SNX5: variants seen among roughly 807,000 people sequenced by gnomAD.
The protein encoded by SNX5 is sorting nexin-5.
In SNX5, 31 loss-of-function variants were observed where a neutral mutation model predicts 53.9. The ratio of observed to expected loss-of-function variants is 0.58; its 90% CI spans 0.43 to 0.78. The LOEUF (loss-of-function observed/expected upper bound fraction) is 0.78. Ranked by LOEUF, SNX5 falls within the 30% of genes least tolerant of loss-of-function variation. The pLI is 0.00. For synonymous variants in SNX5, 168 were observed against 171.1 expected (o/e 0.98, Z 0.14); for missense variants, 471 against 478.8 (o/e 0.98, Z 0.15).
chr20:17,947,576 G>T lies in SNX5; in HGVS notation c.988C>A (p.Arg330=). 6.2e-7 allele frequency: 1 copy of T among 1,613,916 alleles called. No homozygotes were observed. Among genetic ancestry groups the T allele is most frequent in the East Asian group, 2.2e-5 (1 of 44,878 alleles). ...AACTTGACGTCTTTGCTCTTTAACC[G>T]GGCCTTATCCAGAGCTTTGTTTGAG... ...ENSNKALDKA[R]LKSKDVKLAE... is the part of the protein sequence containing the mutation. The change falls in exon 11 of 13, where the codon CGG becomes AGG. Residue 330 remains arginine (R), a synonymous_variant. Coordinates refer to ENST00000377759, the MANE Select transcript of SNX5 (RefSeq NM_014426.4).
intron 1 of SNX5, chr20:17,962,801 A>T (rs769253674): frequency 3.9e-6 from 2 of 519,218 alleles, no homozygotes; most frequent in Non-Finnish European, 7.7e-6. Context: ...TAGCCTGCCA[A>T]CACACAAGCA....
intron 10 of SNX5, among the ~76,000 whole-genome samples, chr20:17,947,861 A>T (rs984377468): frequency 4.0e-5 from 6 of 151,796 alleles, no homozygotes; most frequent in Non-Finnish European, 8.8e-5. Context: ...GAATCAAGTG[A>T]TTACTCAAGA....
chr20:17,954,933 A>G (rs2035327473), intron 3 of SNX5, among the ~76,000 whole-genome samples: 1 of 152,174 alleles, frequency 6.6e-6, no homozygotes, highest in Non-Finnish European at 1.5e-5. Context: ...GCACGTCTTA[A>G]AATTCTGAGC....
chr20:17,963,629 A>C (rs1600355942), intron 1 of SNX5, among the ~76,000 whole-genome samples: 2 of 152,190 alleles, frequency 1.3e-5, no homozygotes, highest in Non-Finnish European at 2.9e-5. Context: ...CTCTGTTGCC[A>C]AGGCTGGAAC....
chr20:17,942,482 C>A (rs2039431310), intron 12 of SNX5, 75 bp from the exon 13 acceptor site: 2 of 1,110,282 alleles, frequency 1.8e-6, no homozygotes, highest in Non-Finnish European at 2.8e-6. Context: ...TCAAGTACAC[C>A]AACACGGCTT....
intron 1 of SNX5, among the ~76,000 whole-genome samples, chr20:17,967,095 G>A (rs62208159): frequency 0.11 from 16,462 of 152,114 alleles, 981 homozygotes; most frequent in Middle Eastern, 0.18. Flanking sequence ...TCAGGGTGGT[G>A]GAAGTCATTT....
intron 1 of SNX5, chr20:17,961,707 T>C (rs1225587302): frequency 2.0e-6 from 2 of 985,222 alleles, no homozygotes; most frequent in Non-Finnish European, 2.4e-6. Flanking sequence ...CAGTGTCTTC[T>C]CTTTCAAACT....
intron 8 of SNX5, among the ~76,000 whole-genome samples, chr20:17,949,411 A>G (rs2039533075): frequency 6.6e-6 from 1 of 152,206 alleles, no homozygotes; most frequent in South Asian, 2.1e-4. Flanking sequence ...GAGCTATGCT[A>G]TGGGCATCAC....
rs543975339 is a variant in SNX5, at chr20:17,955,524, T to C, written c.157-49A>G. 2.9e-5 allele frequency: 38 copies of C among 1,309,262 alleles called. No homozygotes were observed. In the South Asian group the frequency reaches 4.0e-4, roughly 14 times the overall value. The allele number at this position is 1,309,262 out of a possible 1,614,324, so 81.1% of individuals were successfully genotyped here. On this transcript the variant is annotated intron_variant, in intron 2 of 12. Coordinates refer to ENST00000377759, the MANE Select transcript of SNX5 (RefSeq NM_014426.4). ...CTGGTAACCACGACTTTTAGATAAG[T>C]GATCTGGGTTTCCTAGGCTACACAG...
intron 11 of SNX5, chr20:17,943,952 A>T (rs566519451): frequency 6.6e-6 from 1 of 152,398 alleles, no homozygotes; most frequent in South Asian, 2.1e-4. Flanking sequence ...ATCAATTGAG[A>T]ATTATCCATC....
At chr20:17,968,300 G>T (rs1330741033) in intron 1 of SNX5, 75 bp downstream of exon 1, 1 of 1,179,492 alleles carries the variant, frequency 8.5e-7, no homozygotes. Context: ...CTATGGACGC[G>T]CAAGGGAAAG....
chr20:17,944,971 G>C (rs2039468299), intron 11 of SNX5: 1 of 152,194 alleles, frequency 6.6e-6, no homozygotes, highest in African/African-American at 2.4e-5. Context: ...ATCAAGTTCT[G>C]TCTTGCAGTT....
intron 1 of SNX5, chr20:17,961,052 TA>T: frequency 1.3e-6 from 1 of 786,308 alleles, no homozygotes; most frequent in Non-Finnish European, 1.5e-6. Context: ...TCAACTGTTT[TA>T]AAAAATCGCA....
chr20:17,967,981 T>G, intron 1 of SNX5: 3 of 396,806 alleles, frequency 7.6e-6, no homozygotes, highest in African/African-American at 4.1e-5. Context: ...AAGGAGGGTA[T>G]TTTGGGGGCA....
chr20:17,955,202 T>C (rs1413845885), intron 3 of SNX5, among the ~76,000 whole-genome samples, 163 bp downstream of exon 3: 2 of 152,206 alleles, frequency 1.3e-5, no homozygotes, highest in Non-Finnish European at 2.9e-5. Context: ...GCTGTAACAC[T>C]ATTCCTTCAC....
At chr20:17,965,670 C>CTAA (rs2035525628) in intron 1 of SNX5, among the ~76,000 whole-genome samples, 1 of 97,072 alleles carries the variant, frequency 1.0e-5, no homozygotes, top group Non-Finnish European at 2.1e-5. Flanking sequence ...GACCCTGTCT[C>CTAA]AAAAAAAAAA....
chr20:17,959,623 C>T (rs1043058911), intron 1 of SNX5, among the ~76,000 whole-genome samples: 28 of 152,116 alleles, frequency 1.8e-4, no homozygotes, highest in Non-Finnish European at 4.4e-5. Flanking sequence ...TTGGCAAAAC[C>T]CCTCAGCATC....
chr20:17,966,368 G>C (rs961201135), intron 1 of SNX5, among the ~76,000 whole-genome samples: 3 of 147,246 alleles, frequency 2.0e-5, no homozygotes, highest in African/African-American at 7.6e-5. Context: ...CTGGACGACA[G>C]AGCGAGACTC....
intron 1 of SNX5, among the ~76,000 whole-genome samples, chr20:17,966,691 T>C (rs1180870467): frequency 6.6e-6 from 1 of 152,178 alleles, no homozygotes; most frequent in South Asian, 2.1e-4. Context: ...CAAACCAAAG[T>C]AAATTATCAG....
Sources: gnomAD v4.1 joint callset for allele counts (sites outside exome capture counted in the v4.1 genomes callset) on GRCh38, gnomAD v4.1.1 for gene constraint, MANE v1.5 for transcripts, NCBI Gene and HGNC (gene_info 2026-07-23, HGNC 2026-07-21) for gene names.